VAT1L: variants seen among roughly 807,000 people sequenced by gnomAD.
The protein encoded by VAT1L is putative NADPH-dependent quinone oxidoreductase VAT1L.
Under a neutral mutation model 44.1 loss-of-function variants are expected in VAT1L, and 34 were observed. That is an observed-to-expected ratio of 0.77 (90% CI 0.59 to 1.03). The LOEUF is 1.03. VAT1L is among the 50% of genes least tolerant of loss of function. The pLI is 0.00. For missense variants in VAT1L, 615 were observed against 538.8 expected (o/e 1.14, Z -1.40); for synonymous variants, 253 against 202.2 (o/e 1.25, Z -2.13).
intron 7 of VAT1L, among the ~76,000 whole-genome samples, chr16:77,928,372 T>C (rs959431295): frequency 6.6e-6 from 1 of 152,226 alleles, no homozygotes; most frequent in Non-Finnish European, 1.5e-5. Flanking sequence ...CTGCTATTAT[T>C]TCTCTCTTAT....
chr16:77,812,589 A>G (rs2016285015), intron 1 of VAT1L, among the ~76,000 whole-genome samples: 3 of 152,202 alleles, frequency 2.0e-5, no homozygotes, highest in South Asian at 4.1e-4. Flanking sequence ...GATTAACGGT[A>G]TCTGCACTTG....
intron 1 of VAT1L, among the ~76,000 whole-genome samples, chr16:77,809,604 T>C (rs940180660): frequency 6.6e-6 from 1 of 152,042 alleles, no homozygotes; most frequent in African/African-American, 2.4e-5. Flanking sequence ...ATAAATGTCA[T>C]GATGATCCTG....
intron 7 of VAT1L, among the ~76,000 whole-genome samples, chr16:77,958,715 T>C (rs1233777111): frequency 6.6e-6 from 1 of 152,204 alleles, no homozygotes; most frequent in Admixed American, 6.5e-5. Context: ...CTTACGACCA[T>C]GATGTATATT....
intron 5 of VAT1L, among the ~76,000 whole-genome samples, chr16:77,877,595 A>G (rs2017103507): frequency 1.3e-5 from 2 of 151,628 alleles, no homozygotes; most frequent in South Asian, 4.2e-4. Context: ...TAGATGGCAT[A>G]ATCTGAAGCA....
intron 7 of VAT1L, among the ~76,000 whole-genome samples, chr16:77,917,030 C>G (rs1165911428): frequency 6.6e-6 from 1 of 152,114 alleles, no homozygotes; most frequent in Non-Finnish European, 1.5e-5. Flanking sequence ...TATTATTCAT[C>G]CACCAGCACT....
chr16:77,881,483 G>A (rs1597081043), intron 6 of VAT1L, among the ~76,000 whole-genome samples: 1 of 152,196 alleles, frequency 6.6e-6, no homozygotes, highest in African/African-American at 2.4e-5. Flanking sequence ...TAGCAGGGTG[G>A]GTGGAGGCAA....
chr16:77,791,286 A>G lies in VAT1L; in HGVS notation c.233+2371A>G, dbSNP rs185016638. On this transcript the variant is annotated intron_variant, in intron 1 of 8. Transcript: ENST00000302536. ...CCCTTTTATCTGCTCTCTATTTTTA[A>G]TAGAAACCTTTTTGTCATAATAGGA... is the stretch of plus-strand genomic sequence containing the variant. Among the ~76,000 whole-genome samples, 26 of 152,292 alleles carry G rather than the reference A, an allele frequency of 1.7e-4. No homozygotes were observed. In the East Asian group the frequency reaches 5.0e-3, roughly 29 times the overall value.
chr16:77,919,426 C>A (rs1010226389), intron 7 of VAT1L, among the ~76,000 whole-genome samples: 16 of 152,170 alleles, frequency 1.1e-4, no homozygotes, highest in African/African-American at 3.1e-4. Flanking sequence ...TGTTGCCAGG[C>A]AGCCTATTTA....
At chr16:77,820,868 T>A (rs959410651) in intron 2 of VAT1L, among the ~76,000 whole-genome samples, 1 of 152,204 alleles carries the variant, frequency 6.6e-6, no homozygotes, top group Non-Finnish European at 1.5e-5. Context: ...TTTATTATTA[T>A]CAATAACAAT....
At chr16:77,844,490 C>A (rs1039479775) in intron 3 of VAT1L, among the ~76,000 whole-genome samples, 1 of 152,094 alleles carries the variant, frequency 6.6e-6, no homozygotes, top group Non-Finnish European at 1.5e-5. Flanking sequence ...CTCCCTGCAA[C>A]CTCCGCCTCC....
intron 7 of VAT1L, among the ~76,000 whole-genome samples, chr16:77,957,511 G>A (rs565030978): frequency 2.0e-5 from 3 of 152,162 alleles, no homozygotes; most frequent in African/African-American, 7.2e-5. Context: ...TAGATCACAA[G>A]GTCAAGAGAT....
At chr16:77,924,015 A>G (rs1293859061) in intron 7 of VAT1L, among the ~76,000 whole-genome samples, 1 of 151,786 alleles carries the variant, frequency 6.6e-6, no homozygotes, top group African/African-American at 2.4e-5. Flanking sequence ...CTAGACACAC[A>G]AGAAGTTGCA....
intron 3 of VAT1L, among the ~76,000 whole-genome samples, chr16:77,826,930 A>T (rs961789072): frequency 5.9e-5 from 9 of 152,326 alleles, no homozygotes; most frequent in South Asian, 2.1e-4. Flanking sequence ...TTTTGCTAGC[A>T]TACCGTTGAT....
chr16:77,933,725 G>A (rs1011608616), intron 7 of VAT1L, among the ~76,000 whole-genome samples: 1 of 152,196 alleles, frequency 6.6e-6, no homozygotes, highest in Non-Finnish European at 1.5e-5. Context: ...AAGTGCAAAG[G>A]CCCTGAGGTG....
intron 7 of VAT1L, among the ~76,000 whole-genome samples, chr16:77,901,666 A>C (rs927467357): frequency 1.7e-4 from 26 of 152,032 alleles, no homozygotes; most frequent in African/African-American, 6.3e-4. Context: ...ACTTCCTTCT[A>C]CACCCCATGG....
chr16:77,860,610 C>T (rs940949063), intron 3 of VAT1L, among the ~76,000 whole-genome samples: 6 of 152,212 alleles, frequency 3.9e-5, no homozygotes, highest in Non-Finnish European at 5.9e-5. Context: ...TTATCTCAAG[C>T]GCTGTCCATA....
intron 7 of VAT1L, among the ~76,000 whole-genome samples, chr16:77,953,697 C>T (rs184578915): frequency 1.1e-4 from 16 of 152,206 alleles, no homozygotes; most frequent in Middle Eastern, 3.4e-3. Flanking sequence ...ACTGTCTTTT[C>T]ATTGCCCAAG....
At chr16:77,800,676 T>A (rs1288321820) in intron 1 of VAT1L, 1 of 152,178 alleles carries the variant, frequency 6.6e-6, no homozygotes, top group Non-Finnish European at 1.5e-5. Context: ...CTGTTCCAGA[T>A]AGAAAATCAG....
intron 5 of VAT1L, 30 bp downstream of exon 5, chr16:77,876,503 T>A (rs1244686136): frequency 1.9e-6 from 3 of 1,594,830 alleles, no homozygotes; most frequent in Non-Finnish European, 2.6e-6. Context: ...AGGGACGTGG[T>A]CAGCAATAGG....
Sources: gnomAD v4.1 joint callset for allele counts (sites outside exome capture counted in the v4.1 genomes callset) on GRCh38, gnomAD v4.1.1 for gene constraint, MANE v1.5 for transcripts, NCBI Gene and HGNC (gene_info 2026-07-23, HGNC 2026-07-21) for gene names.